SPRTN: variants seen among roughly 807,000 people sequenced by gnomAD.
SPRTN encodes the protein DNA-dependent metalloprotease SPRTN.
In SPRTN, 11 loss-of-function variants were observed where a neutral mutation model predicts 31.9. That is an observed-to-expected ratio of 0.34 (90% CI 0.22 to 0.57). The LOEUF (loss-of-function observed/expected upper bound fraction) is 0.57. Among genes scored for constraint, SPRTN ranks in the 20% least tolerant of loss-of-function variants. SPRTN has a pLI of 0.86. For missense variants in SPRTN, 482 were observed against 590.1 expected, an observed-to-expected ratio of 0.82 and a Z score of 1.90; for synonymous variants, 185 against 212.1, an observed-to-expected ratio of 0.87 and a Z score of 1.11.
chr1:231,348,032 T>G, intron 3 of SPRTN, 107 bp downstream of exon 3: 2 of 1,472,266 alleles, frequency 1.4e-6, no homozygotes, highest in African/African-American at 2.8e-5. Context: ...TCTTTGAGGA[T>G]TTTCCACAGC....
At chr1:231,351,245 T>G (rs1437029448) in intron 3 of SPRTN, 59 bp from the exon 4 acceptor site, 5 of 1,354,760 alleles carry the variant, frequency 3.7e-6, no homozygotes, top group Non-Finnish European at 4.8e-6. Context: ...CTTATGTAAA[T>G]TGTTTTCTTG....
rs1687350291 is a variant in SPRTN at position 231,355,010 on chromosome 1, C to T, written c.*1649C>T. The stretch of plus-strand genomic sequence containing the variant: ...AAGCATTAAAACATTTTAATAAATA[C>T]TTATAAATAGGTATTAAAATGTATA... On this transcript the variant is annotated 3_prime_UTR_variant, in exon 5 of 5. Coordinates refer to ENST00000295050, the MANE Select transcript of SPRTN (RefSeq NM_032018.7). 9 of 723,444 alleles carry T rather than the reference C, an allele frequency of 1.2e-5. No homozygotes were observed. The highest frequency in any genetic ancestry group is 1.5e-5 in the Non-Finnish European group (9 of 591,200). The allele number at this position is 723,444 out of a possible 1,614,324, so 44.8% of individuals were successfully genotyped here.
intron 1 of SPRTN, 176 bp from the exon 2 acceptor site, chr1:231,339,593 C>A: frequency 2.6e-6 from 2 of 774,986 alleles, no homozygotes; most frequent in Non-Finnish European, 4.4e-6. Flanking sequence ...TCGCGGGAGG[C>A]GCCCGCGGGG....
intron 2 of SPRTN, among the ~76,000 whole-genome samples, chr1:231,344,340 C>CA (rs1254504099): frequency 6.6e-6 from 1 of 151,914 alleles, no homozygotes; most frequent in Middle Eastern, 3.2e-3. Context: ...CTTGTCTCTA[C>CA]AAAAAATTGA....
chr1:231,354,951 C>A lies in SPRTN; in HGVS notation c.*1590C>A. 1 of 935,754 alleles carries A rather than the reference C, an allele frequency of 1.1e-6. No homozygotes were observed. The highest frequency in any genetic ancestry group is 1.3e-6 in the Non-Finnish European group (1 of 784,708). The allele number at this position is 935,754 out of a possible 1,614,324, so 58.0% of individuals were successfully genotyped here. A position where few individuals can be genotyped will look rare whatever the true frequency, so the allele number is the denominator to read the frequency against. On this transcript the variant is annotated 3_prime_UTR_variant, in exon 5 of 5. Transcript: ENST00000295050. The stretch of plus-strand genomic sequence containing the variant: ...TGTTAGCAGCCCTTTTCGTTTTAGA[C>A]TGGTTGGCTGTTCACAAATTTTGAT...
chr1:231,345,206 C>G (rs1445565407), intron 2 of SPRTN, among the ~76,000 whole-genome samples: 1 of 151,744 alleles, frequency 6.6e-6, no homozygotes, highest in Non-Finnish European at 1.5e-5. Context: ...ACTGCAACCT[C>G]TGCCTCCCAG....
Position 231,354,968 on chromosome 1 carries a change from A to C in SPRTN, c.*1607A>C. On this transcript the variant is annotated 3_prime_UTR_variant, in exon 5 of 5. Coordinates refer to ENST00000295050, the MANE Select transcript of SPRTN (RefSeq NM_032018.7). ...GTTTTAGACTGGTTGGCTGTTCACA[A>C]ATTTTGATATTCCTTAAAGCATTAA... The C allele has an allele frequency of 1.1e-6, 1 of 938,430 alleles. No homozygotes were observed. The highest frequency in any genetic ancestry group is 1.3e-6 in the Non-Finnish European group (1 of 787,098). The allele number at this position is 938,430 out of a possible 1,614,324, so 58.1% of individuals were successfully genotyped here.
chr1:231,342,014 G>A (rs1177827622), intron 2 of SPRTN, among the ~76,000 whole-genome samples: 1 of 152,104 alleles, frequency 6.6e-6, no homozygotes, highest in Non-Finnish European at 1.5e-5. Context: ...CCAGGCCCAA[G>A]CAATCCTCCC....
chr1:231,349,024 G>A (rs1466252490), intron 3 of SPRTN, among the ~76,000 whole-genome samples: 1 of 152,024 alleles, frequency 6.6e-6, no homozygotes, highest in Non-Finnish European at 1.5e-5. Context: ...CAGGCTGGAT[G>A]CAGTGGTGCA....
In SPRTN at chr1:231,352,737, A is replaced by C. The variant is rs146933649; in HGVS notation, c.846A>C (p.Gln282His). The C allele has an allele frequency of 4.6e-5, 75 of 1,614,154 alleles. No homozygotes were observed. In the African/African-American group the frequency reaches 8.8e-4, roughly 19 times the overall value. ...LITSHAINKT[Q>H]DLLNQNHSAN... ...CTTCACATGCCATTAATAAAACCCA[A>C]GATCTTTTAAATCAAAACCATTCAG... The change falls in exon 5 of 5, where the codon CAA becomes CAC. Residue 282 changes from glutamine (Q) to histidine (H), a missense_variant. By Grantham distance (24) the Gln-to-His change is conservative. Coordinates refer to ENST00000295050, the MANE Select transcript of SPRTN (RefSeq NM_032018.7).
At chr1:231,339,944 C>A in intron 2 of SPRTN, 76 bp downstream of exon 2, 4 of 1,394,452 alleles carry the variant, frequency 2.9e-6, no homozygotes, top group South Asian at 1.2e-5. Context: ...GCTGTGAATT[C>A]GCCTGTATGT....
intron 2 of SPRTN, among the ~76,000 whole-genome samples, chr1:231,346,418 G>T (rs1295711827): frequency 6.6e-6 from 1 of 150,714 alleles, no homozygotes. Context: ...TGTTGAGCAG[G>T]ATGGTCTCAA....
chr1:231,353,567 T>G lies in SPRTN; in HGVS notation c.*206T>G. 1 of 1,260,560 alleles carries G rather than the reference T, an allele frequency of 7.9e-7. No individual in the cohort carries two copies. Among genetic ancestry groups the G allele is most frequent in the South Asian group, 2.8e-5 (1 of 35,600 alleles). The allele number at this position is 1,260,560 out of a possible 1,614,324, so 78.1% of individuals were successfully genotyped here. On this transcript the variant is annotated 3_prime_UTR_variant, in exon 5 of 5. Transcript: ENST00000295050. ...TCAGGGTGCTACATTCACTCTTGCC[T>G]TAGGTATACTGTAACCCAGGTTCTG...
At chr1:231,339,540 G>A in intron 1 of SPRTN, 1 of 728,370 alleles carries the variant, frequency 1.4e-6, no homozygotes, top group Non-Finnish European at 2.4e-6. Flanking sequence ...AGGGTGGTGA[G>A]AGCACGCTGC....
Position 231,353,903 on chromosome 1 carries a change from A to G in SPRTN, c.*542A>G, listed in dbSNP as rs1169748816. The G allele has an allele frequency of 4.2e-6, 4 of 946,442 alleles. No homozygotes were observed. The highest frequency in any genetic ancestry group is 6.2e-5 in the Admixed American group (1 of 16,218). The allele number at this position is 946,442 out of a possible 1,614,324, so 58.6% of individuals were successfully genotyped here. The stretch of plus-strand genomic sequence containing the variant: ...AATCTTAACAGGAACTGTATTTTCT[A>G]TATTTTAAAGAATTTTATTTGTCCC... On this transcript the variant is annotated 3_prime_UTR_variant, in exon 5 of 5. Coordinates refer to ENST00000295050, the MANE Select transcript of SPRTN (RefSeq NM_032018.7).
At chr1:231,342,910 A>AT (rs1281291357) in intron 2 of SPRTN, among the ~76,000 whole-genome samples, 17 of 149,524 alleles carry the variant, frequency 1.1e-4, no homozygotes, top group South Asian at 1.1e-3. Flanking sequence ...AATTTTTTGT[A>AT]TTTTTTTTAC....
At position 231,353,578 on chromosome 1, in the gene SPRTN, G is replaced by T; in HGVS notation, c.*217G>T. The T allele has an allele frequency of 8.2e-7, 1 of 1,217,454 alleles. No individual in the cohort carries two copies. Among genetic ancestry groups the T allele is most frequent in the Non-Finnish European group, 1.0e-6 (1 of 977,244 alleles). 75.4% of individuals were successfully genotyped at this position (1,217,454 alleles called of 1,614,324 possible). ...CATTCACTCTTGCCTTAGGTATACTGTAACCCAGGTTCTGCCTGTCGTGTA... is the reference window on the plus strand; with the variant it reads ...CATTCACTCTTGCCTTAGGTATACTTTAACCCAGGTTCTGCCTGTCGTGTA... On this transcript the variant is annotated 3_prime_UTR_variant, in exon 5 of 5. Transcript: ENST00000295050.
rs772869072 is a variant in SPRTN, at chr1:231,353,189, A to T, written c.1298A>T (p.Asp433Val). Residue 433 changes from aspartate to valine, a missense_variant, in exon 5 of 5, where the codon GAT becomes GTT. Asp to Val is a radical substitution (Grantham distance 152). Coordinates refer to ENST00000295050, the MANE Select transcript of SPRTN (RefSeq NM_032018.7). ...KKEQIKSSGNDPKYSTTTAQN... is the reference protein window; with the variant it reads ...KKEQIKSSGNVPKYSTTTAQN... ...GAGCAAATAAAAAGCAGTGGTAATG[A>T]TCCAAAGTATAGTACAACCACAGCT... The T allele has an allele frequency of 1.9e-6, 3 of 1,613,654 alleles. No homozygotes were observed. The Admixed American group carries it at 5.0e-5, about 27-fold the overall frequency.
Position 231,354,110 on chromosome 1 carries a change from A to G in SPRTN, c.*749A>G. 1.0e-6 allele frequency: 1 copy of G among 985,146 alleles called. No homozygotes were observed. Among genetic ancestry groups the G allele is most frequent in the Non-Finnish European group, 1.2e-6 (1 of 829,652 alleles). 61.0% of individuals were successfully genotyped at this position (985,146 alleles called of 1,614,324 possible). On this transcript the variant is annotated 3_prime_UTR_variant, in exon 5 of 5. Coordinates refer to ENST00000295050, the MANE Select transcript of SPRTN (RefSeq NM_032018.7). ...AGAGTGGTTAAAATTCTGTGCTGATAAGTAACTGATACATATAACATAAAC... is the reference window on the plus strand; with the variant it reads ...AGAGTGGTTAAAATTCTGTGCTGATGAGTAACTGATACATATAACATAAAC...
Sources: gnomAD v4.1 joint callset for allele counts (sites outside exome capture counted in the v4.1 genomes callset) on GRCh38, gnomAD v4.1.1 for gene constraint, MANE v1.5 for transcripts, NCBI Gene and HGNC (gene_info 2026-07-23, HGNC 2026-07-21) for gene names.